GATA5: variants seen among roughly 807,000 people sequenced by gnomAD.
GATA5 encodes the protein transcription factor GATA-5.
A neutral mutation model predicts 35.0 loss-of-function variants in GATA5; 27 were observed. The observed-to-expected ratio is 0.77, with a 90% CI of 0.57 to 1.06. GATA5 has a LOEUF of 1.06. GATA5 is among the 50% of genes least tolerant of loss of function. The probability of loss-of-function intolerance (pLI) is 0.00; values close to 1 mark genes in which losing one functional copy is unlikely to be tolerated. For synonymous variants in GATA5, 306 were observed against 267.8 expected (o/e 1.14, Z -1.39); for missense variants, 612 against 580.0 (o/e 1.06, Z -0.57).
rs1555896979 is a variant in GATA5 at position 62,475,086 on chromosome 20, C to A, written c.436G>T (p.Val146Leu). ...TSYSATYPAY[V>L]SPDVAQSWTA... ...CAGGACTGGGCCACGTCGGGGCTCACGTAGGCCGGGTAGGTGGCGGAGTAC... is the reference window on the plus strand; with the variant it reads ...CAGGACTGGGCCACGTCGGGGCTCAAGTAGGCCGGGTAGGTGGCGGAGTAC... The change falls in exon 2 of 7, where the codon GTG (valine) becomes TTG (leucine). Residue 146 changes from valine to leucine, a missense_variant. Transcript: ENST00000252997. 2.1e-6 allele frequency: 3 copies of A among 1,407,660 alleles called. No individual in the cohort carries two copies. Among genetic ancestry groups the A allele is most frequent in the Non-Finnish European group, 2.8e-6 (3 of 1,076,900 alleles). 87.2% of individuals were successfully genotyped at this position (1,407,660 alleles called of 1,614,324 possible). A position where few individuals can be genotyped will look rare whatever the true frequency, so the allele number is the denominator to read the frequency against.
At chr20:62,467,761 T>C (rs1426022734) in intron 3 of GATA5, among the ~76,000 whole-genome samples, 1 of 152,182 alleles carries the variant, frequency 6.6e-6, no homozygotes, top group Admixed American at 6.5e-5. Flanking sequence ...TGCCCCCAGA[T>C]TCTCTAGCCA....
Position 62,466,410 on chromosome 20 carries a change from C to G in GATA5, c.825+16G>C, listed in dbSNP as rs371049593. On this transcript the variant is annotated intron_variant, in intron 4 of 6. Coordinates refer to ENST00000252997, the MANE Select transcript of GATA5 (RefSeq NM_080473.5). Reference sequence around the variant, plus strand: ...GGACAGAGGCCTCCCCGCCCTGCCCCGGGGACCACACTCACCCCGTGCAGC... The same window carrying G: ...GGACAGAGGCCTCCCCGCCCTGCCCGGGGGACCACACTCACCCCGTGCAGC... 3.2e-6 allele frequency: 5 copies of G among 1,571,736 alleles called. No individual in the cohort carries two copies. The African/African-American group carries it at 5.4e-5, about 17-fold the overall frequency.
Position 62,475,339 on chromosome 20 carries a change from G to T in GATA5, c.183C>A (p.Arg61=). ...PSPQPPELAA[R]PGWAQTATAD... ...CGGTGGCTGTCTGCGCCCAGCCGGG[G>T]CGCGCAGCGAGCTCGGGGGGCTGCG... is the stretch of plus-strand genomic sequence containing the variant. The change falls in exon 2 of 7, where the codon CGC becomes CGA. Residue 61 remains arginine, a synonymous_variant. Coordinates refer to ENST00000252997, the MANE Select transcript of GATA5 (RefSeq NM_080473.5). The T allele has an allele frequency of 8.0e-7, 1 of 1,255,032 alleles. No individual in the cohort carries two copies. Among genetic ancestry groups the T allele is most frequent in the Non-Finnish European group, 1.0e-6 (1 of 999,112 alleles). The allele number at this position is 1,255,032 out of a possible 1,614,324, so 77.7% of individuals were successfully genotyped here.
Position 62,474,983 on chromosome 20 carries a change from G to GA in GATA5, c.523+15dup, listed in dbSNP as rs782804041. 47 of 1,289,740 alleles carry GA rather than the reference G, an allele frequency of 3.6e-5. No individual in the cohort carries two copies. The highest frequency in any genetic ancestry group is 4.4e-5 in the Non-Finnish European group (45 of 1,015,338). The allele number at this position is 1,289,740 out of a possible 1,614,324, so 79.9% of individuals were successfully genotyped here. A position where few individuals can be genotyped will look rare whatever the true frequency, so the allele number is the denominator to read the frequency against. ...GCCGCTCCTGGGCCCCGAGACTGTGGAGCCCCCGCACTCACCGAAGGTGGG... is the reference window on the plus strand; with the variant it reads ...GCCGCTCCTGGGCCCCGAGACTGTGGAAGCCCCCGCACTCACCGAAGGTGGG... On this transcript the variant is annotated intron_variant, in intron 2 of 6. Coordinates refer to ENST00000252997, the MANE Select transcript of GATA5 (RefSeq NM_080473.5).
rs1555895837 is a variant in GATA5 at position 62,464,807 on chromosome 20, G to C, written c.*29C>G. On this transcript the variant is annotated 3_prime_UTR_variant, in exon 7 of 7. Transcript: ENST00000252997. ...CTCAGTGGGTGGTCTGTTCCAGGCT[G>C]TTCCCCTGACATGGGCTGGCCTGGG... 6.4e-7 allele frequency: 1 copy of C among 1,557,218 alleles called. No homozygotes were observed. Among genetic ancestry groups the C allele is most frequent in the East Asian group, 2.3e-5 (1 of 43,438 alleles).
chr20:62,466,357 G>A lies in GATA5; in HGVS notation c.825+69C>T, dbSNP rs143913134. 1,261 of 1,480,924 alleles carry A rather than the reference G, an allele frequency of 8.5e-4. 12 individuals are homozygous for A. The African/African-American group carries it at 0.014, about 17-fold the overall frequency. 91.7% of individuals were successfully genotyped at this position (1,480,924 alleles called of 1,614,324 possible). ...GCTCCTCCCCAGCCTCTTGGTCTGA[G>A]AGTGCGGACGGCGCTCGCTAGGAGG... On this transcript the variant is annotated intron_variant, in intron 4 of 6. Coordinates refer to ENST00000252997, the MANE Select transcript of GATA5 (RefSeq NM_080473.5).
chr20:62,465,102 G>C, intron 6 of GATA5, 111 bp from the exon 7 acceptor site: 1 of 1,000,326 alleles, frequency 1.0e-6, no homozygotes. Flanking sequence ...TTTGCCCTTA[G>C]GGACCCCCTG....
At chr20:62,468,251 G>A (rs369630567) in intron 3 of GATA5, among the ~76,000 whole-genome samples, 396 of 150,334 alleles carry the variant, frequency 2.6e-3, no homozygotes, top group African/African-American at 8.5e-3. Context: ...CGGTTTCCCC[G>A]TCTGTTACTG....
At chr20:62,473,673 C>G in intron 2 of GATA5, 95 bp from the exon 3 acceptor site, 1 of 1,223,062 alleles carries the variant, frequency 8.2e-7, no homozygotes, top group South Asian at 1.5e-5. Flanking sequence ...AGGAGCCTGG[C>G]GGCTTTCGTC....
rs782317630 is a variant in GATA5, at chr20:62,465,878, C to T, written c.869G>A (p.Arg290Gln). The T allele has an allele frequency of 1.3e-6, 2 of 1,598,828 alleles. No homozygotes were observed. The highest frequency in any genetic ancestry group is 1.7e-6 in the Non-Finnish European group (2 of 1,172,738). ...LAMKKESIQT[R>Q]KRKPKTIAKA... ...GGCGATGGTCTTTGGCTTCCGCTTC[C>T]GTGTCTGGATGCTTTCCTTCTTCAT... The change falls in exon 5 of 7, where the codon CGG becomes CAG. Residue 290 changes from arginine (R) to glutamine (Q), a missense_variant. Transcript: ENST00000252997.
In GATA5 at chr20:62,475,050, G is replaced by T; in HGVS notation, c.472C>A (p.Pro158Thr). Residue 158 changes from proline (P) to threonine (T), a missense_variant, in exon 2 of 7, where the codon CCC (proline) becomes ACC (threonine). Transcript: ENST00000252997. ...PDVAQSWTAG[P>T]FDGSVLHGLP... The stretch of plus-strand genomic sequence containing the variant: ...CCGTGCAGGACGCTGCCATCGAAGG[G>T]CCCGGCAGTCCAGGACTGGGCCACG... The T allele has an allele frequency of 7.1e-7, 1 of 1,412,814 alleles. No homozygotes were observed. The allele number at this position is 1,412,814 out of a possible 1,614,324, so 87.5% of individuals were successfully genotyped here.
chr20:62,465,105 A>C, intron 6 of GATA5, 114 bp from the exon 7 acceptor site: 1 of 974,190 alleles, frequency 1.0e-6, no homozygotes, highest in Non-Finnish European at 1.5e-6. Context: ...GCCCTTAGGG[A>C]CCCCCTGATG....
At chr20:62,465,262 G>A in intron 6 of GATA5, 78 bp downstream of exon 6, 1 of 1,446,066 alleles carries the variant, frequency 6.9e-7, no homozygotes, top group Non-Finnish European at 9.2e-7. Context: ...GCTCCGAGGG[G>A]CTCTGATGGG....
chr20:62,473,352 C>T (rs782577538), intron 3 of GATA5, 51 bp downstream of exon 3: 8 of 1,554,134 alleles, frequency 5.1e-6, no homozygotes, highest in Non-Finnish European at 7.0e-6. Flanking sequence ...GCAAGAGGTC[C>T]CCTCGGGGGA....
At chr20:62,474,957 G>C in intron 2 of GATA5, 42 bp downstream of exon 2, 1 of 1,267,392 alleles carries the variant, frequency 7.9e-7, no homozygotes, top group Non-Finnish European at 1.0e-6. Context: ...ACCCGGATTC[G>C]GCCGCTCCTG....
intron 3 of GATA5, 103 bp from the exon 4 acceptor site, chr20:62,466,654 C>T (rs764872260): frequency 5.2e-6 from 7 of 1,353,372 alleles, no homozygotes; most frequent in South Asian, 1.4e-5. Flanking sequence ...ACGCAGGACC[C>T]GGTGAGAAGG....
rs782247474 is a variant in GATA5, at chr20:62,465,325, A to G, written c.1038+15T>C. ...GCCCCAGCTCTGGGCACCCCACCCCAGCCCACCCCCTTACCTGGGGGGCCA... is the reference window on the plus strand; with the variant it reads ...GCCCCAGCTCTGGGCACCCCACCCCGGCCCACCCCCTTACCTGGGGGGCCA... On this transcript the variant is annotated intron_variant, in intron 6 of 6. Coordinates refer to ENST00000252997, the MANE Select transcript of GATA5 (RefSeq NM_080473.5). 206 of 1,288,656 alleles carry G rather than the reference A, an allele frequency of 1.6e-4. No individual in the cohort carries two copies. Among genetic ancestry groups the G allele is most frequent in the Non-Finnish European group, 2.0e-4 (191 of 934,062 alleles). The allele number at this position is 1,288,656 out of a possible 1,614,324, so 79.8% of individuals were successfully genotyped here. A position where few individuals can be genotyped will look rare whatever the true frequency, so the allele number is the denominator to read the frequency against.
chr20:62,475,212 T>C lies in GATA5; in HGVS notation c.310A>G (p.Ser104Gly), dbSNP rs933702892. ...TCTCGGCCCCCCGCGCTGCCGCCGC[T>C]GCCGGGCCCCGAGGGGCTGTGCGCG... ...PFAHSPSGPG[S>G]GGSAGGRDGS... Residue 104 changes from serine (S) to glycine (G), a missense_variant, in exon 2 of 7, where the codon AGC becomes GGC. Ser to Gly is a moderately conservative substitution (Grantham distance 56). Coordinates refer to ENST00000252997, the MANE Select transcript of GATA5 (RefSeq NM_080473.5). 4.0e-6 allele frequency: 5 copies of C among 1,252,890 alleles called. No individual in the cohort carries two copies. Among genetic ancestry groups the C allele is most frequent in the Non-Finnish European group, 5.0e-6 (5 of 997,416 alleles). 77.6% of individuals were successfully genotyped at this position (1,252,890 alleles called of 1,614,324 possible).
intron 2 of GATA5, among the ~76,000 whole-genome samples, chr20:62,474,135 A>C (rs1989791979): frequency 6.6e-6 from 1 of 152,248 alleles, no homozygotes; most frequent in South Asian, 2.1e-4. Context: ...CTGTGGTCGC[A>C]ACCAGTGTCC....
Sources: gnomAD v4.1 joint callset for allele counts (sites outside exome capture counted in the v4.1 genomes callset) on GRCh38, gnomAD v4.1.1 for gene constraint, MANE v1.5 for transcripts, NCBI Gene and HGNC (gene_info 2026-07-23, HGNC 2026-07-21) for gene names.